SH3RF1: variants seen among roughly 807,000 people sequenced by gnomAD.
The protein encoded by SH3RF1 is SH3 domain containing ring finger 1.
A neutral mutation model predicts 74.0 loss-of-function variants in SH3RF1; 32 were observed. That is an observed-to-expected ratio of 0.43 (90% CI 0.33 to 0.58). The LOEUF is 0.58. Among genes scored for constraint, SH3RF1 ranks in the 20% least tolerant of loss-of-function variants. SH3RF1 has a pLI of 0.05. For missense variants in SH3RF1, 954 were observed against 1,130.9 expected, an observed-to-expected ratio of 0.84 and a Z score of 2.24; for synonymous variants, 396 against 439.6, an observed-to-expected ratio of 0.90 and a Z score of 1.24.
intron 2 of SH3RF1, among the ~76,000 whole-genome samples, chr4:169,205,880 A>C (rs1002527674): frequency 2.0e-5 from 3 of 152,204 alleles, no homozygotes; most frequent in African/African-American, 7.2e-5. Flanking sequence ...GAGATTTCAA[A>C]TCCTTGGCAA....
At chr4:169,183,294 C>T (rs949735043) in intron 2 of SH3RF1, among the ~76,000 whole-genome samples, 10 of 152,082 alleles carry the variant, frequency 6.6e-5, no homozygotes, top group Admixed American at 5.2e-4. Context: ...AGCAAGACTT[C>T]GTCTCAGACA....
intron 4 of SH3RF1, among the ~76,000 whole-genome samples, chr4:169,147,791 A>G (rs1733916531): frequency 6.6e-6 from 1 of 152,344 alleles, no homozygotes; most frequent in East Asian, 1.9e-4. Context: ...TATGCCACAC[A>G]TGCACACACA....
chr4:169,147,424 A>G (rs1197260069), intron 4 of SH3RF1, among the ~76,000 whole-genome samples: 4 of 152,230 alleles, frequency 2.6e-5, no homozygotes, highest in African/African-American at 2.4e-5. Flanking sequence ...AAATCAGTGA[A>G]CAAGTATTTC....
chr4:169,225,091 GATGA>G (rs1191757122), intron 2 of SH3RF1, among the ~76,000 whole-genome samples: 2 of 152,194 alleles, frequency 1.3e-5, no homozygotes, highest in Non-Finnish European at 2.9e-5. Context: ...GCTCTGCATT[GATGA>G]ATTCAAAAGG....
chr4:169,204,343 CA>C (rs1452143503), intron 2 of SH3RF1, among the ~76,000 whole-genome samples: 1 of 152,076 alleles, frequency 6.6e-6, no homozygotes, highest in Non-Finnish European at 1.5e-5. Context: ...TATTCTCTGT[CA>C]AAGGTTTTAT....
At chr4:169,240,944 GC>G (rs1730898197) in intron 2 of SH3RF1, among the ~76,000 whole-genome samples, 1 of 152,094 alleles carries the variant, frequency 6.6e-6, no homozygotes, top group Non-Finnish European at 1.5e-5. Context: ...TTTTAAAACT[GC>G]CCAGGCCGGG....
chr4:169,245,355 T>C (rs1311351555), intron 2 of SH3RF1, among the ~76,000 whole-genome samples: 1 of 152,214 alleles, frequency 6.6e-6, no homozygotes, highest in Non-Finnish European at 1.5e-5. Flanking sequence ...TTTTGAGTAA[T>C]GATTGTGTAT....
intron 2 of SH3RF1, among the ~76,000 whole-genome samples, chr4:169,249,603 A>T (rs1181481221): frequency 6.6e-6 from 1 of 152,252 alleles, no homozygotes; most frequent in African/African-American, 2.4e-5. Context: ...CAGATTATGT[A>T]CCAATGCATG....
chr4:169,221,658 TC>T (rs1730565732), intron 2 of SH3RF1, among the ~76,000 whole-genome samples: 1 of 152,194 alleles, frequency 6.6e-6, no homozygotes, highest in Non-Finnish European at 1.5e-5. Flanking sequence ...TACCTTGTAA[TC>T]TATAAAATAA....
At chr4:169,213,565 T>C (rs1730414397) in intron 2 of SH3RF1, among the ~76,000 whole-genome samples, 1 of 152,262 alleles carries the variant, frequency 6.6e-6, no homozygotes, top group Admixed American at 6.5e-5. Context: ...TTTCATATAC[T>C]GTGCCTTTAG....
At chr4:169,264,571 T>C (rs1045097660) in intron 2 of SH3RF1, among the ~76,000 whole-genome samples, 4 of 152,196 alleles carry the variant, frequency 2.6e-5, no homozygotes, top group Non-Finnish European at 5.9e-5. Flanking sequence ...ATAAATTTCA[T>C]GTGTGTTCCC....
chr4:169,261,874 C>G (rs1041766967), intron 2 of SH3RF1, among the ~76,000 whole-genome samples: 1 of 151,968 alleles, frequency 6.6e-6, no homozygotes, highest in Non-Finnish European at 1.5e-5. Context: ...CATTTCTTAC[C>G]ATAAGCATGT....
chr4:169,228,457 C>A (rs543776229), intron 2 of SH3RF1, among the ~76,000 whole-genome samples: 1 of 152,130 alleles, frequency 6.6e-6, no homozygotes, highest in Non-Finnish European at 1.5e-5. Context: ...AGGCTGCCTG[C>A]ATCACTTGCC....
At chr4:169,188,913 T>G (rs145292880) in intron 2 of SH3RF1, among the ~76,000 whole-genome samples, 2 of 152,242 alleles carry the variant, frequency 1.3e-5, no homozygotes, top group Admixed American at 1.3e-4. Context: ...AATGTACCAC[T>G]TGTAACTGAC....
chr4:169,131,735 C>T (rs1733624382), intron 5 of SH3RF1, among the ~76,000 whole-genome samples: 2 of 152,256 alleles, frequency 1.3e-5, no homozygotes, highest in South Asian at 4.1e-4. Flanking sequence ...GTACCTCTGA[C>T]TGGTTGCTTT....
At chr4:169,137,130 T>C (rs1733714848) in intron 4 of SH3RF1, among the ~76,000 whole-genome samples, 1 of 152,232 alleles carries the variant, frequency 6.6e-6, no homozygotes, top group African/African-American at 2.4e-5. Context: ...TGTGCTTCCA[T>C]GTATATTTAC....
intron 2 of SH3RF1, among the ~76,000 whole-genome samples, chr4:169,232,661 C>T (rs1561059856): frequency 1.3e-5 from 2 of 152,162 alleles, no homozygotes; most frequent in East Asian, 1.9e-4. Flanking sequence ...TAATCAGATA[C>T]TTTCTGGCTG....
intron 2 of SH3RF1, among the ~76,000 whole-genome samples, chr4:169,225,562 T>C (rs967911813): frequency 4.6e-5 from 7 of 152,206 alleles, no homozygotes; most frequent in South Asian, 2.1e-4. Flanking sequence ...AAAAGGCCAA[T>C]GGATTTAGTG....
intron 2 of SH3RF1, among the ~76,000 whole-genome samples, chr4:169,192,669 A>G (rs1458313001): frequency 6.6e-6 from 1 of 152,050 alleles, no homozygotes; most frequent in African/African-American, 2.4e-5. Context: ...TCATTATATG[A>G]AAAAGATACT....
Sources: allele counts gnomAD v4.1 joint callset (sites outside exome capture counted in the v4.1 genomes callset), GRCh38; gene constraint gnomAD v4.1.1; transcripts MANE v1.5; gene names NCBI Gene and HGNC (gene_info 2026-07-23, HGNC 2026-07-21).